CDKAL1: variants seen among roughly 807,000 people sequenced by gnomAD.
CDKAL1 encodes threonylcarbamoyladenosine tRNA methylthiotransferase.
A neutral mutation model predicts 68.2 loss-of-function variants in CDKAL1; 32 were observed. That is an observed-to-expected ratio of 0.47 (90% CI 0.35 to 0.63). The LOEUF (loss-of-function observed/expected upper bound fraction) is 0.63, where lower values mean the gene tolerates loss of function less well. Ranked by LOEUF, CDKAL1 falls within the 30% of genes least tolerant of loss-of-function variation. The pLI, the probability that CDKAL1 is intolerant of heterozygous loss-of-function variation, is 0.00. For missense variants in CDKAL1, 606 were observed against 696.7 expected (o/e 0.87, Z 1.47); for synonymous variants, 234 against 244.3 (o/e 0.96, Z 0.39).
chr6:20,872,308 TA>T (rs1232129715), intron 9 of CDKAL1, among the ~76,000 whole-genome samples: 4 of 152,204 alleles, frequency 2.6e-5, no homozygotes, highest in Non-Finnish European at 5.9e-5. Flanking sequence ...TTATCTCTTT[TA>T]AAGGTTAATT....
chr6:20,535,139 A>G (rs1007007871), intron 1 of CDKAL1: 1 of 152,224 alleles, frequency 6.6e-6, no homozygotes, highest in Non-Finnish European at 1.5e-5. Context: ...TACAACATTT[A>G]TTACTAAAGC....
intron 13 of CDKAL1, among the ~76,000 whole-genome samples, chr6:21,137,388 A>G (rs541485908): frequency 1.1e-4 from 17 of 152,308 alleles, no homozygotes; most frequent in East Asian, 7.7e-4. Flanking sequence ...TCACCGCCAC[A>G]TGCAGATTTA....
At chr6:20,854,646 C>T (rs1759225547) in intron 9 of CDKAL1, among the ~76,000 whole-genome samples, 2 of 152,174 alleles carry the variant, frequency 1.3e-5, no homozygotes, top group Non-Finnish European at 2.9e-5. Flanking sequence ...GTTCATAATT[C>T]TGAGTTTTCA....
At chr6:20,929,612 A>C (rs1763336044) in intron 9 of CDKAL1, among the ~76,000 whole-genome samples, 1 of 152,160 alleles carries the variant, frequency 6.6e-6, no homozygotes. Context: ...AAGTGTCAAA[A>C]TAGATTTTGT....
rs532580289 is a variant in CDKAL1, at chr6:20,932,860, T to C, written c.743-22559T>C. 2.4e-4 allele frequency among the ~76,000 whole-genome samples: 37 copies of C among 152,274 alleles called. 1 individual carries two copies. In the South Asian group the frequency reaches 5.4e-3, roughly 22 times the overall value. On this transcript the variant is annotated intron_variant, in intron 9 of 15. Transcript: ENST00000274695. ...CCTAGGGGAACCCAGCAAACAATAT[T>C]AGCTTTTATTATATGTTTGCTATGG... is the stretch of plus-strand genomic sequence containing the variant.
intron 12 of CDKAL1, among the ~76,000 whole-genome samples, chr6:21,105,165 A>C (rs1773785918): frequency 6.6e-6 from 1 of 152,234 alleles, no homozygotes. Context: ...GAAAAGAAAA[A>C]ATTATAAGCT....
intron 5 of CDKAL1, among the ~76,000 whole-genome samples, chr6:20,692,245 A>G (rs925820176): frequency 6.6e-6 from 1 of 152,216 alleles, no homozygotes; most frequent in African/African-American, 2.4e-5. Flanking sequence ...CTGAAGTTAA[A>G]CATGTCAAAA....
chr6:21,140,738 A>T (rs1681609376), intron 13 of CDKAL1, among the ~76,000 whole-genome samples: 1 of 152,192 alleles, frequency 6.6e-6, no homozygotes. Context: ...AGCATTAAAA[A>T]ACACTGGGTT....
rs1763698943 is a variant in CDKAL1 at position 20,548,656 on chromosome 6, T to C, written c.237T>C (p.Asp79=). ...RTWGCSHNNS[D]GEYMAGQLAA... is the part of the protein sequence containing the mutation. Reference sequence around the variant, plus strand: ...GGGGTTGTTCTCATAATAATTCAGATGGAGAATATATGGCTGGACAGCTAG... The same window carrying C: ...GGGGTTGTTCTCATAATAATTCAGACGGAGAATATATGGCTGGACAGCTAG... Residue 79 remains aspartate (D), a synonymous_variant, in exon 4 of 16, where the codon GAT becomes GAC. Coordinates refer to ENST00000274695, the MANE Select transcript of CDKAL1 (RefSeq NM_017774.3). The C allele has an allele frequency of 6.2e-7, 1 of 1,600,890 alleles. No individual in the cohort carries two copies. The highest frequency in any genetic ancestry group is 1.3e-5 in the African/African-American group (1 of 74,534).
At chr6:20,926,405 TAAAA>T (rs958396260) in intron 9 of CDKAL1, among the ~76,000 whole-genome samples, 1 of 151,964 alleles carries the variant, frequency 6.6e-6, no homozygotes, top group Admixed American at 6.6e-5. Context: ...TGAAAATGGT[TAAAA>T]AAAGAGACTT....
At chr6:20,868,536 T>G (rs1760027019) in intron 9 of CDKAL1, among the ~76,000 whole-genome samples, 1 of 152,222 alleles carries the variant, frequency 6.6e-6, no homozygotes, top group Admixed American at 6.5e-5. Flanking sequence ...GCAGCTGCAG[T>G]GCCTTATGGA....
chr6:20,763,596 G>A (rs1774564329), intron 7 of CDKAL1, among the ~76,000 whole-genome samples: 1 of 152,098 alleles, frequency 6.6e-6, no homozygotes, highest in Admixed American at 6.6e-5. Flanking sequence ...TCCCTGTTGG[G>A]CTCTCTTCAT....
intron 6 of CDKAL1, among the ~76,000 whole-genome samples, chr6:20,751,828 A>G (rs1047647334): frequency 1.3e-5 from 2 of 152,204 alleles, no homozygotes; most frequent in African/African-American, 2.4e-5. Context: ...CCTCAAGGAC[A>G]CAAGATACTG....
At chr6:20,611,793 A>G (rs1325652083) in intron 4 of CDKAL1, among the ~76,000 whole-genome samples, 1 of 152,122 alleles carries the variant, frequency 6.6e-6, no homozygotes, top group Admixed American at 6.6e-5. Flanking sequence ...TATACAATAT[A>G]TTGTTGCTGT....
intron 8 of CDKAL1, among the ~76,000 whole-genome samples, chr6:20,824,475 A>G (rs1352611988): frequency 2.0e-5 from 3 of 152,100 alleles, no homozygotes; most frequent in Non-Finnish European, 2.9e-5. Context: ...CCAAGCTCAC[A>G]TGGTTGTTGG....
chr6:20,676,343 T>G (rs939306881), intron 5 of CDKAL1, among the ~76,000 whole-genome samples: 14 of 152,126 alleles, frequency 9.2e-5, no homozygotes, highest in African/African-American at 3.4e-4. Flanking sequence ...GCAAACTCCG[T>G]TCTTGGTAAG....
At chr6:20,662,749 C>T (rs1769348166) in intron 5 of CDKAL1, among the ~76,000 whole-genome samples, 1 of 152,090 alleles carries the variant, frequency 6.6e-6, no homozygotes, top group Admixed American at 6.6e-5. Flanking sequence ...TTTATCTTTC[C>T]CATCCCTTCC....
chr6:20,645,006 G>T (rs1768373899), intron 4 of CDKAL1, among the ~76,000 whole-genome samples: 1 of 152,140 alleles, frequency 6.6e-6, no homozygotes, highest in Admixed American at 6.5e-5. Flanking sequence ...CACCTGTACA[G>T]CATATTGCCG....
rs923582690 is a variant in CDKAL1 at position 20,745,860 on chromosome 6, T to C, written c.468+6245T>C. On this transcript the variant is annotated intron_variant, in intron 6 of 15. Coordinates refer to ENST00000274695, the MANE Select transcript of CDKAL1 (RefSeq NM_017774.3). ...GACAAGTCTGATGTGTAAAATTGTTTATTAATTGGTATTTTACATCTCTAA... is the reference window on the plus strand; with the variant it reads ...GACAAGTCTGATGTGTAAAATTGTTCATTAATTGGTATTTTACATCTCTAA... 2.0e-5 allele frequency among the ~76,000 whole-genome samples: 3 copies of C among 152,360 alleles called. No individual in the cohort carries two copies. The South Asian group carries it at 6.2e-4, about 32-fold the overall frequency.
Sources: allele counts gnomAD v4.1 joint callset (sites outside exome capture counted in the v4.1 genomes callset), GRCh38; gene constraint gnomAD v4.1.1; transcripts MANE v1.5; gene names NCBI Gene and HGNC (gene_info 2026-07-23, HGNC 2026-07-21).